Variants in LINC00237 observed in about 807,000 individuals in gnomAD.
LINC00237 encodes long intergenic non-protein coding RNA 237.
chr20:21,094,369 C>A (rs2030829426), intron 1 of LINC00237, among the ~76,000 whole-genome samples: 1 of 152,016 alleles, frequency 6.6e-6, no homozygotes, highest in South Asian at 2.1e-4. Context: ...GCATTTTCTG[C>A]CCTTGAAGAG....
At chr20:21,089,694 T>A (rs1473498623) in intron 2 of LINC00237, 1 of 152,180 alleles carries the variant, frequency 6.6e-6, no homozygotes. Context: ...CCAATTAATC[T>A]CAGCCGACTG....
chr20:21,103,071 G>T (rs955277664), intron 1 of LINC00237, among the ~76,000 whole-genome samples: 1 of 152,214 alleles, frequency 6.6e-6, no homozygotes, highest in Admixed American at 6.5e-5. Flanking sequence ...TGTAGCGGCT[G>T]GTCTGGCCCT....
At chr20:21,103,414 G>T (rs939345615) in intron 1 of LINC00237, among the ~76,000 whole-genome samples, 2 of 152,206 alleles carry the variant, frequency 1.3e-5, no homozygotes, top group South Asian at 2.1e-4. Flanking sequence ...CAATAGCCAC[G>T]GCTCGGGGCT....
chr20:21,103,994 C>A (rs1238734413), intron 1 of LINC00237, among the ~76,000 whole-genome samples: 1 of 151,998 alleles, frequency 6.6e-6, no homozygotes, highest in African/African-American at 2.4e-5. Context: ...TATCCCACCC[C>A]CTCCCCACCT....
At chr20:21,103,316 C>T (rs529995563) in intron 1 of LINC00237, among the ~76,000 whole-genome samples, 3 of 150,924 alleles carry the variant, frequency 2.0e-5, no homozygotes, top group Non-Finnish European at 4.4e-5. Context: ...GAGGTTGAAC[C>T]ATCTCAAAGT....
At position 21,096,320 on chromosome 20, in the gene LINC00237, G is replaced by A. The variant is rs968656755; in HGVS notation, n.89-2468C>T. Among the ~76,000 whole-genome samples the A allele has an allele frequency of 4.6e-5, 7 of 152,186 alleles. No individual in the cohort carries two copies. The South Asian group carries it at 1.2e-3, about 27-fold the overall frequency. Reference sequence around the variant, plus strand: ...CTCAGGACCCAGCCATTGGGGAACCGTTGCCTTCCTCAGTACATGACTCTC... The same window carrying A: ...CTCAGGACCCAGCCATTGGGGAACCATTGCCTTCCTCAGTACATGACTCTC... On this transcript the variant is annotated intron_variant and non_coding_transcript_variant, in intron 1 of 3. Transcript: ENST00000691244.
chr20:21,091,631 C>T (rs1474954383), intron 2 of LINC00237, among the ~76,000 whole-genome samples: 1 of 152,192 alleles, frequency 6.6e-6, no homozygotes, highest in African/African-American at 2.4e-5. Flanking sequence ...AACGACTCCA[C>T]CAAACATTAG....
At chr20:21,097,546 CCCA>C (rs2030876789) in intron 1 of LINC00237, among the ~76,000 whole-genome samples, 1 of 152,046 alleles carries the variant, frequency 6.6e-6, no homozygotes, top group Non-Finnish European at 1.5e-5. Context: ...TTTAACTTTT[CCCA>C]AGATATAAGG....
intron 1 of LINC00237, among the ~76,000 whole-genome samples, chr20:21,095,211 C>T (rs75596176): frequency 0.01 from 1,575 of 152,244 alleles, 27 homozygotes; most frequent in African/African-American, 0.036. Flanking sequence ...GCTTCCACTG[C>T]CTCCCGCTTG....
chr20:21,101,824 A>C lies in LINC00237; in HGVS notation n.88+4447T>G, dbSNP rs1416403809. On this transcript the variant is annotated intron_variant and non_coding_transcript_variant, in intron 1 of 3. Coordinates refer to ENST00000691244, the Ensembl canonical transcript of LINC00237. The surrounding 1 kb of genome is among the most constrained non-coding windows in gnomAD (Gnocchi z 4.3). ...GGGATGGAGGTGGGAGTTGGAACAC[A>C]GCCCCCTAGCTGAGTGCAGGGGCCA... Among the ~76,000 whole-genome samples, 1 of 151,426 alleles carries C rather than the reference A, an allele frequency of 6.6e-6. No individual in the cohort carries two copies. Among genetic ancestry groups the C allele is most frequent in the Non-Finnish European group, 1.5e-5 (1 of 67,848 alleles).
chr20:21,091,113 G>A (rs946983284), intron 2 of LINC00237, among the ~76,000 whole-genome samples: 3 of 151,390 alleles, frequency 2.0e-5, no homozygotes, highest in East Asian at 1.9e-4. Flanking sequence ...TCTGAGCATC[G>A]ATGCTCCATT....
Position 21,094,431 on chromosome 20 carries a change from C to CA in LINC00237, n.89-580dup, listed in dbSNP as rs201794395. 1.5e-4 allele frequency among the ~76,000 whole-genome samples: 23 copies of CA among 152,200 alleles called. 1 individual carries two copies. In the East Asian group the frequency reaches 4.5e-3, roughly 29 times the overall value. On this transcript the variant is annotated intron_variant and non_coding_transcript_variant, in intron 1 of 3. Coordinates refer to ENST00000691244, the Ensembl canonical transcript of LINC00237. ...TCACAAGACAGTAAATGATTAAAGA[C>CA]AAAATAACAAGTGTGTATAATAAGA...
At chr20:21,092,515 C>A (rs2030805877) in intron 2 of LINC00237, among the ~76,000 whole-genome samples, 1 of 152,252 alleles carries the variant, frequency 6.6e-6, no homozygotes, top group Non-Finnish European at 1.5e-5. Context: ...CCAGGAGCTT[C>A]TGCCAATTGT....
intron 1 of LINC00237, among the ~76,000 whole-genome samples, chr20:21,096,096 A>G (rs998143900): frequency 6.6e-6 from 1 of 152,200 alleles, no homozygotes; most frequent in Non-Finnish European, 1.5e-5. Context: ...TCGGTAATAC[A>G]TTGCTTGCTT....
chr20:21,094,803 A>C (rs2030835632), intron 1 of LINC00237, among the ~76,000 whole-genome samples: 1 of 152,210 alleles, frequency 6.6e-6, no homozygotes, highest in Non-Finnish European at 1.5e-5. Context: ...TATTCCCAGC[A>C]CTTTGGGAGG....
At chr20:21,088,843 A>G (rs1438420219) in intron 2 of LINC00237, among the ~76,000 whole-genome samples, 2 of 152,150 alleles carry the variant, frequency 1.3e-5, no homozygotes, top group African/African-American at 2.4e-5. Context: ...AAATATACAT[A>G]AAAGCTTTTC....
chr20:21,103,139 C>T (rs1160114792), intron 1 of LINC00237, among the ~76,000 whole-genome samples: 3 of 152,284 alleles, frequency 2.0e-5, no homozygotes, highest in African/African-American at 7.2e-5. Flanking sequence ...AGCCCCAAAC[C>T]GGAGGCGCTG....
chr20:21,087,243 G>T (rs1233030267), intron 3 of LINC00237, among the ~76,000 whole-genome samples: 10 of 151,830 alleles, frequency 6.6e-5, no homozygotes, highest in African/African-American at 2.4e-4. Flanking sequence ...CGCTTAACAG[G>T]ATCTTGGCAT....
intron 1 of LINC00237, among the ~76,000 whole-genome samples, chr20:21,096,216 T>A (rs556352980): frequency 2.2e-4 from 34 of 152,316 alleles, no homozygotes; most frequent in African/African-American, 7.7e-4. Flanking sequence ...AATTTGCAGT[T>A]CTTCAAACAA....
Sources: gnomAD v4.1 joint callset for allele counts (sites outside exome capture counted in the v4.1 genomes callset) on GRCh38, gnomAD v4.1.1 for gene constraint, Gnocchi (gnomAD v3.1) non-coding constraint, MANE v1.5 for transcripts, NCBI Gene and HGNC (gene_info 2026-07-23, HGNC 2026-07-21) for gene names.